Variants in ATP7B observed in about 807,000 individuals in gnomAD.
The protein encoded by ATP7B is ATPase copper transporting beta.
ATP7B carries 113 observed loss-of-function variants against 118.9 expected under a neutral mutation model. The observed-to-expected ratio is 0.95, with a 90% CI of 0.82 to 1.11. The LOEUF (loss-of-function observed/expected upper bound fraction) is 1.11. Among genes scored for constraint, ATP7B ranks in the 50% most tolerant of loss-of-function variants. The pLI is 0.00. For synonymous variants in ATP7B, 777 were observed against 727.4 expected, an observed-to-expected ratio of 1.07 and a Z score of -1.10; for missense variants, 1,867 against 1,871.4, an observed-to-expected ratio of 1.00 and a Z score of 0.04.
At chr13:51,960,839 C>T (rs1006158896) in intron 6 of ATP7B, among the ~76,000 whole-genome samples, 1 of 152,144 alleles carries the variant, frequency 6.6e-6, no homozygotes, top group East Asian at 1.9e-4. Context: ...AGTTTGGAAT[C>T]GGGGGTCATG....
chr13:51,998,133 G>A (rs1159259231), intron 1 of ATP7B, among the ~76,000 whole-genome samples: 1 of 152,076 alleles, frequency 6.6e-6, no homozygotes, highest in East Asian at 1.9e-4. Context: ...CCTGCTAGCA[G>A]CTCTCTCCCT....
Position 51,974,432 on chromosome 13 carries a change from A to G in ATP7B, c.788T>C (p.Ile263Thr), listed in dbSNP as rs770273035. The G allele has an allele frequency of 2.5e-6, 4 of 1,614,048 alleles. No homozygotes were observed. Among genetic ancestry groups the G allele is most frequent in the Non-Finnish European group, 3.4e-6 (4 of 1,180,036 alleles). The change falls in exon 2 of 21, where the codon ATA becomes ACA. Residue 263 changes from isoleucine (I) to threonine (T), a missense_variant. Ile to Thr is a moderately conservative substitution (Grantham distance 89). Coordinates refer to ENST00000242839, the MANE Select transcript of ATP7B (RefSeq NM_000053.4). ...GSHVVTLQLR[I>T]DGMHCKSCVL... ...GCAAGACTTACAATGCATTCCATCT[A>G]TTCTCAGTTGGAGGGTGACCACATG...
chr13:51,942,924 G>A (rs1343372210), intron 14 of ATP7B, among the ~76,000 whole-genome samples: 3 of 152,174 alleles, frequency 2.0e-5, no homozygotes, highest in Non-Finnish European at 2.9e-5. Context: ...GCCAAAGAGA[G>A]GGAGATGTGA....
At chr13:51,972,337 G>C (rs186304186) in intron 2 of ATP7B, among the ~76,000 whole-genome samples, 1 of 152,090 alleles carries the variant, frequency 6.6e-6, no homozygotes, top group Non-Finnish European at 1.5e-5. Context: ...GGGTGACTAG[G>C]AGACCCCTCC....
chr13:51,956,531 T>C (rs1593718862), intron 9 of ATP7B, among the ~76,000 whole-genome samples: 1 of 151,436 alleles, frequency 6.6e-6, no homozygotes, highest in South Asian at 2.1e-4. Context: ...GGTAGAGGCA[T>C]TGGAGGAGAC....
chr13:51,946,471 T>C lies in ATP7B; in HGVS notation c.2873A>G (p.Asn958Ser), dbSNP rs1361712046. 3 of 1,614,158 alleles carry C rather than the reference T, an allele frequency of 1.9e-6. No homozygotes were observed. Among genetic ancestry groups the C allele is most frequent in the East Asian group, 2.2e-5 (1 of 44,872 alleles). The change falls in exon 13 of 21, where the codon AAC becomes AGC. Residue 958 changes from asparagine to serine, a missense_variant. Asn to Ser is a conservative substitution (Grantham distance 46). Transcript: ENST00000242839. Reference sequence around the variant, plus strand: ...CACCTCTGTCTGGGAGATGTGCTTGTTGGGGTTCTGAAAACAGGACAGAGT... The same window carrying C: ...CACCTCTGTCTGGGAGATGTGCTTGCTGGGGTTCTGAAAACAGGACAGAGT... Reference protein sequence around the residue: ...GVVQRYFPNPNKHISQTEVII... With the variant: ...GVVQRYFPNPSKHISQTEVII...
intron 1 of ATP7B, among the ~76,000 whole-genome samples, chr13:52,005,255 T>C (rs924306650): frequency 1.3e-5 from 2 of 152,244 alleles, no homozygotes; most frequent in African/African-American, 4.8e-5. Context: ...TGCTTCCCTT[T>C]TGATTATAAT....
intron 9 of ATP7B, among the ~76,000 whole-genome samples, chr13:51,953,026 G>T (rs966719926): frequency 1.3e-5 from 2 of 152,190 alleles, no homozygotes; most frequent in Non-Finnish European, 2.9e-5. Flanking sequence ...TTCAATCATG[G>T]CAACCAAAAT....
rs777409181 is a variant in ATP7B, at chr13:51,939,209, C to T, written c.3557-16G>A. On this transcript the variant is annotated splice_polypyrimidine_tract_variant and intron_variant, in intron 16 of 20. Transcript: ENST00000242839. The stretch of plus-strand genomic sequence containing the variant: ...CAGAGCACACCTGGAGCGAACCAGC[C>T]AGCATCAGCAGCTACACAAGTTGGG... The T allele has an allele frequency of 5.3e-5, 86 of 1,611,616 alleles. No homozygotes were observed. The highest frequency in any genetic ancestry group is 7.1e-5 in the Non-Finnish European group (84 of 1,180,018).
At chr13:51,942,105 G>A (rs888912026) in intron 15 of ATP7B, among the ~76,000 whole-genome samples, 2 of 152,334 alleles carry the variant, frequency 1.3e-5, no homozygotes, top group East Asian at 3.9e-4. Context: ...CTACTCTGTA[G>A]CTTATGAGAA....
intron 1 of ATP7B, among the ~76,000 whole-genome samples, chr13:51,993,164 T>C (rs184868784): frequency 5.9e-4 from 90 of 152,256 alleles, no homozygotes; most frequent in Admixed American, 1.4e-3. Context: ...ACATTCATAT[T>C]TGTTGGGAAA....
At position 51,945,710 on chromosome 13, in the gene ATP7B, G is replaced by A. The variant is rs115422384; in HGVS notation, c.3060+574C>T. 3.6e-3 allele frequency among the ~76,000 whole-genome samples: 542 copies of A among 152,252 alleles called. 3 individuals are homozygous for A. The highest frequency in any genetic ancestry group is 0.012 in the African/African-American group (514 of 41,536). On this transcript the variant is annotated intron_variant, in intron 13 of 20. Transcript: ENST00000242839. The stretch of plus-strand genomic sequence containing the variant: ...CTTTCCCCCTGGTGGGCTCCTTGGC[G>A]GCTGGAAACCATGACCATCGCCAGA...
chr13:51,995,356 T>A lies in ATP7B; in HGVS notation c.51+15931A>T, dbSNP rs551119550. The stretch of plus-strand genomic sequence containing the variant: ...CCCAGGTTCCATTCAAAACTCTCTG[T>A]GGAAATTCTCCTTCCTCTGACGGTG... On this transcript the variant is annotated intron_variant, in intron 1 of 20. Coordinates refer to ENST00000242839, the MANE Select transcript of ATP7B (RefSeq NM_000053.4). 14 of 985,284 alleles carry A rather than the reference T, an allele frequency of 1.4e-5. No individual in the cohort carries two copies. The South Asian group carries it at 6.1e-4, about 43-fold the overall frequency. 61.0% of individuals were successfully genotyped at this position (985,284 alleles called of 1,614,324 possible).
At position 52,009,292 on chromosome 13, in the gene ATP7B, C is replaced by T. The variant is rs553394090; in HGVS notation, c.51+1995G>A. Among the ~76,000 whole-genome samples, 5 of 152,296 alleles carry T rather than the reference C, an allele frequency of 3.3e-5. No homozygotes were observed. In the South Asian group the frequency reaches 6.2e-4, roughly 19 times the overall value. ...AGCATCTGTTGAGAACCTCCATTGA[C>T]GCAGCCAGTTTTTCTCAGAGGGCCC... On this transcript the variant is annotated intron_variant, in intron 1 of 20. Coordinates refer to ENST00000242839, the MANE Select transcript of ATP7B (RefSeq NM_000053.4).
At chr13:51,936,638 C>G (rs1351477652) in intron 19 of ATP7B, among the ~76,000 whole-genome samples, 1 of 152,146 alleles carries the variant, frequency 6.6e-6, no homozygotes, top group Non-Finnish European at 1.5e-5. Flanking sequence ...AATCCTTCTG[C>G]CCCAGCCTCT....
chr13:51,970,683 C>T lies in ATP7B; in HGVS notation c.1352G>A (p.Gly451Asp), dbSNP rs779519964. 2.5e-6 allele frequency: 4 copies of T among 1,613,810 alleles called. No individual in the cohort carries two copies. The highest frequency in any genetic ancestry group is 4.5e-5 in the East Asian group (2 of 44,898). ...CACTTCCTGCACAGATGTAGGTGTA[C>T]CATCTGTAGTTTGCACCATGGAATT... is the stretch of plus-strand genomic sequence containing the variant. ...AGNSMVQTTD[G>D]TPTSVQEVAP... is the part of the protein sequence containing the mutation. Residue 451 changes from glycine to aspartate, a missense_variant, in exon 3 of 21, where the codon GGT becomes GAT. Physicochemically the swap from Gly to Asp is moderately conservative, Grantham distance 94. Transcript: ENST00000242839.
chr13:52,000,209 A>G (rs1369790411), intron 1 of ATP7B, among the ~76,000 whole-genome samples: 1 of 152,250 alleles, frequency 6.6e-6, no homozygotes, highest in African/African-American at 2.4e-5. Flanking sequence ...ATAAGCAACA[A>G]AAATTTATTG....
Position 51,970,901 on chromosome 13 carries a change from A to G in ATP7B, c.1286-152T>C, listed in dbSNP as rs1326227560. 5.4e-6 allele frequency: 3 copies of G among 560,046 alleles called. No homozygotes were observed. The African/African-American group carries it at 5.9e-5, about 11-fold the overall frequency. The allele number at this position is 560,046 out of a possible 1,614,324, so 34.7% of individuals were successfully genotyped here. A position where few individuals can be genotyped will look rare whatever the true frequency, so the allele number is the denominator to read the frequency against. On this transcript the variant is annotated intron_variant, in intron 2 of 20. Transcript: ENST00000242839. ...GGCTCCAGTAACTACCTTGTCCCTC[A>G]GCCATCCTGGAGGACAGAGCTCCCT...
upstream of ATP7B, chr13:52,011,896 G>A (rs573824261): frequency 1.5e-4 from 40 of 268,558 alleles, 1 homozygote; most frequent in Non-Finnish European, 2.8e-4. Flanking sequence ...ACCGCCTGCG[G>A]GGAAGGTGCC....
Sources: gnomAD v4.1 joint callset for allele counts (sites outside exome capture counted in the v4.1 genomes callset) on GRCh38, gnomAD v4.1.1 for gene constraint, MANE v1.5 for transcripts, NCBI Gene and HGNC (gene_info 2026-07-23, HGNC 2026-07-21) for gene names.